Variants in EPCIP observed in about 807,000 individuals in gnomAD.
The protein encoded by EPCIP is exosomal polycystin 1 interacting protein.
chr21:32,792,915 A>ATT, the EPCIP span, among the ~76,000 whole-genome samples: 161 of 69,836 alleles, frequency 2.3e-3, 1 homozygote, highest in Admixed American at 8.8e-3. Flanking sequence ...TATTATTATT[A>ATT]TTTTTTTTTT....
At chr21:32,795,861 C>T in the EPCIP span, among the ~76,000 whole-genome samples, 5 of 152,210 alleles carry the variant, frequency 3.3e-5, no homozygotes, top group Admixed American at 6.5e-5. Context: ...TAAGCTCTGC[C>T]GCGTAAACTT....
the EPCIP span, chr21:32,794,550 A>G: frequency 1.1e-6 from 1 of 875,490 alleles, no homozygotes; most frequent in African/African-American, 1.7e-5. Context: ...TGGAAAAGGA[A>G]CCCCAGAAAA....
chr21:32,809,342 TTCCTC>T, the EPCIP span, among the ~76,000 whole-genome samples: 1 of 119,588 alleles, frequency 8.4e-6, no homozygotes, highest in African/African-American at 3.2e-5. Context: ...CTTTCTTTCT[TTCCTC>T]TTTCTTTCTT....
chr21:32,793,580 G>A, the EPCIP span: 7 of 685,352 alleles, frequency 1.0e-5, no homozygotes, highest in South Asian at 1.3e-4. Context: ...TGTTCTCGCA[G>A]TTGGGCACAG....
At chr21:32,792,917 T>TA in the EPCIP span, among the ~76,000 whole-genome samples, 99,811 of 148,924 alleles carry the variant, frequency 0.67, 33,359 homozygotes, top group East Asian at 0.82. Flanking sequence ...TTATTATTAT[T>TA]TTTTTTTTTT....
the EPCIP span, among the ~76,000 whole-genome samples, chr21:32,806,071 C>T: frequency 6.6e-6 from 1 of 152,022 alleles, no homozygotes; most frequent in African/African-American, 2.4e-5. Flanking sequence ...TCTTTCCAGC[C>T]CAAACGTATG....
At chr21:32,794,806 G>A in the EPCIP span, among the ~76,000 whole-genome samples, 2 of 152,154 alleles carry the variant, frequency 1.3e-5, no homozygotes, top group African/African-American at 2.4e-5. Context: ...GAGACCTACC[G>A]CATCCTATCT....
chr21:32,792,050 A>G, the EPCIP span, among the ~76,000 whole-genome samples: 20 of 151,938 alleles, frequency 1.3e-4, no homozygotes, highest in Admixed American at 1.3e-3. Flanking sequence ...GATTACAGGC[A>G]TGCACCACCA....
At chr21:32,796,157 A>G in the EPCIP span, among the ~76,000 whole-genome samples, 1 of 152,150 alleles carries the variant, frequency 6.6e-6, no homozygotes, top group South Asian at 2.1e-4. Flanking sequence ...CCCAGTCCTC[A>G]TAGAACTTAT....
the EPCIP span, among the ~76,000 whole-genome samples, chr21:32,807,340 T>TTTTC: frequency 6.6e-6 from 1 of 150,450 alleles, no homozygotes; most frequent in Admixed American, 6.6e-5. Context: ...ATGCCTTTTT[T>TTTTC]TTTTTTTTTG....
At chr21:32,796,927 T>C in the EPCIP span, 1 of 468,966 alleles carries the variant, frequency 2.1e-6, no homozygotes, top group African/African-American at 2.0e-5. Flanking sequence ...AGTGTCTGCC[T>C]CCCTGTTTCA....
chr21:32,813,496 G>T, the EPCIP span: 2 of 436,432 alleles, frequency 4.6e-6, no homozygotes, highest in Non-Finnish European at 9.7e-6. Flanking sequence ...TCTTCCAACC[G>T]TCACAGTTCC....
chr21:32,796,832 T>A, the EPCIP span: 1 of 364,720 alleles, frequency 2.7e-6, no homozygotes, highest in African/African-American at 2.1e-5. Context: ...AGGAATGCTG[T>A]CAATACTGTT....
the EPCIP span, among the ~76,000 whole-genome samples, chr21:32,809,174 G>A: frequency 6.1e-5 from 7 of 114,104 alleles, no homozygotes; most frequent in Admixed American, 3.9e-4. Flanking sequence ...GACAAGCCTC[G>A]AGGGGTGCGT....
At chr21:32,813,363 C>G in the EPCIP span, among the ~76,000 whole-genome samples, 1 of 152,106 alleles carries the variant, frequency 6.6e-6, no homozygotes, top group Non-Finnish European at 1.5e-5. Context: ...AAGGCAGAAT[C>G]TCAGTAAAGA....
the EPCIP span, among the ~76,000 whole-genome samples, chr21:32,804,757 G>A: frequency 1.3e-5 from 2 of 152,090 alleles, no homozygotes; most frequent in Admixed American, 1.3e-4. Context: ...ACGTCCTCCT[G>A]TAAATTCTGA....
the EPCIP span, among the ~76,000 whole-genome samples, chr21:32,792,974 G>A: frequency 2.7e-5 from 4 of 150,928 alleles, no homozygotes; most frequent in African/African-American, 7.3e-5. Context: ...GTGCAATGGT[G>A]TGATCTCTGA....
At chr21:32,796,273 C>T in the EPCIP span, among the ~76,000 whole-genome samples, 15 of 152,108 alleles carry the variant, frequency 9.9e-5, no homozygotes, top group Non-Finnish European at 1.6e-4. Context: ...GGGGAGGAGG[C>T]GAGAGGAGGG....
the EPCIP span, among the ~76,000 whole-genome samples, chr21:32,805,108 G>T: frequency 1.3e-5 from 2 of 152,186 alleles, no homozygotes; most frequent in South Asian, 4.2e-4. Flanking sequence ...TAATCAACAG[G>T]GTCCTTATAA....
Sources: allele counts gnomAD v4.1 joint callset (sites outside exome capture counted in the v4.1 genomes callset), GRCh38; gene constraint gnomAD v4.1.1; transcripts MANE v1.5; gene names NCBI Gene and HGNC (gene_info 2026-07-23, HGNC 2026-07-21).